DMD: variants seen among roughly 807,000 people sequenced by gnomAD.
DMD encodes the protein dystrophin, also known as mutant dystrophin.
In DMD, 63 loss-of-function variants were observed where a neutral mutation model predicts 330.1. That is an observed-to-expected ratio of 0.19 (90% CI 0.16 to 0.24). The LOEUF is 0.24. Ranked by LOEUF, DMD falls within the 10% of genes least tolerant of loss-of-function variation. DMD has a pLI of 1.00. For synonymous variants in DMD, 1,223 were observed against 959.8 expected (o/e 1.27, Z -5.07); for missense variants, 3,344 against 2,684.1 (o/e 1.25, Z -5.43).
In DMD at chrX:31,385,027, C is replaced by T. The variant is rs753093675; in HGVS notation, c.9085-36393G>A. Among the ~76,000 whole-genome samples, 6 of 112,299 alleles carry T rather than the reference C, an allele frequency of 5.3e-5. No individual in the cohort carries two copies. The East Asian group carries it at 1.7e-3, about 31-fold the overall frequency. On this transcript the variant is annotated intron_variant, in intron 60 of 78. Coordinates refer to ENST00000357033, the MANE Select transcript of DMD (RefSeq NM_004006.3). ...CACAGGTCTCAATGAGAAGAAAAAGCGGCTGATAAAACATTAGGCTTTCCA... is the reference window on the plus strand; with the variant it reads ...CACAGGTCTCAATGAGAAGAAAAAGTGGCTGATAAAACATTAGGCTTTCCA...
intron 55 of DMD, among the ~76,000 whole-genome samples, chrX:31,583,934 G>A (rs1408024358): frequency 1.2e-5 from 1 of 83,976 alleles, no homozygotes; most frequent in Non-Finnish European, 2.2e-5. Context: ...ACAGGCCCTG[G>A]TGTGTGATGT....
chrX:31,959,733 A>G (rs1232530290), intron 45 of DMD, among the ~76,000 whole-genome samples: 1 of 104,344 alleles, frequency 9.6e-6, no homozygotes, highest in Non-Finnish European at 2.0e-5. Flanking sequence ...AATCTTAAAC[A>G]GTTGTCTTAC....
intron 52 of DMD, among the ~76,000 whole-genome samples, chrX:31,724,812 T>C (rs1419741628): frequency 8.9e-6 from 1 of 112,017 alleles, no homozygotes; most frequent in Admixed American, 9.5e-5. Context: ...TAAGTACTAT[T>C]ATTAGCCCCA....
chrX:32,732,905 C>A (rs181014668), intron 7 of DMD, among the ~76,000 whole-genome samples: 6,473 of 110,786 alleles, frequency 0.058, 451 homozygotes, highest in African/African-American at 0.2. Flanking sequence ...CAAATTCACA[C>A]ATAACAATAT....
At chrX:31,676,540 C>G (rs1276267006) in intron 53 of DMD, among the ~76,000 whole-genome samples, 1 of 111,405 alleles carries the variant, frequency 9.0e-6, no homozygotes, top group Non-Finnish European at 1.9e-5. Context: ...TCTTATTTGT[C>G]AATTAATAAT....
chrX:31,603,030 C>T (rs1216640793), intron 55 of DMD, among the ~76,000 whole-genome samples: 1 of 111,416 alleles, frequency 9.0e-6, no homozygotes, highest in East Asian at 2.8e-4. Context: ...ACAAATGTGA[C>T]AAGAGGAGAG....
chrX:31,893,402 A>G (rs898730986), intron 47 of DMD, among the ~76,000 whole-genome samples: 1 of 111,606 alleles, frequency 9.0e-6, no homozygotes, highest in Admixed American at 9.6e-5. Flanking sequence ...AAGGTTGTGC[A>G]TGAAACCAGA....
intron 11 of DMD, among the ~76,000 whole-genome samples, chrX:32,615,381 C>A (rs987599053): frequency 2.2e-4 from 24 of 111,094 alleles, no homozygotes; most frequent in African/African-American, 7.8e-4. Flanking sequence ...AATTACATTT[C>A]CAGCATCAGG....
chrX:33,040,605 G>A (rs1490243217), intron 1 of DMD, among the ~76,000 whole-genome samples: 6 of 110,941 alleles, frequency 5.4e-5, no homozygotes, highest in Non-Finnish European at 1.1e-4. Flanking sequence ...AGACTGTAGT[G>A]TTCTGAAGGT....
intron 76 of DMD, among the ~76,000 whole-genome samples, chrX:31,138,269 A>G (rs918673683): frequency 4.5e-5 from 5 of 111,741 alleles, no homozygotes; most frequent in Admixed American, 9.5e-5. Context: ...ATTGCCAGCA[A>G]AAGTTCAGCC....
intron 7 of DMD, among the ~76,000 whole-genome samples, chrX:32,725,386 AT>A (rs2066756034): frequency 9.0e-6 from 1 of 111,159 alleles, no homozygotes; most frequent in South Asian, 3.7e-4. Flanking sequence ...ATTCTACAAA[AT>A]ACTTGACATC....
At chrX:31,407,146 T>C (rs1402615721) in intron 60 of DMD, among the ~76,000 whole-genome samples, 2 of 112,280 alleles carry the variant, frequency 1.8e-5, no homozygotes, top group Non-Finnish European at 3.8e-5. Flanking sequence ...TGATACTTTA[T>C]CTTATTTTTT....
intron 4 of DMD, among the ~76,000 whole-genome samples, chrX:32,838,272 ATTCTTT>A (rs1254082233): frequency 9.9e-5 from 11 of 110,717 alleles, no homozygotes; most frequent in African/African-American, 3.6e-4. Flanking sequence ...ATTTTTTATT[ATTCTTT>A]AAGTTCTGGG....
At chrX:32,700,083 T>C (rs1218649818) in intron 7 of DMD, among the ~76,000 whole-genome samples, 1 of 111,777 alleles carries the variant, frequency 8.9e-6, no homozygotes, top group Non-Finnish European at 1.9e-5. Context: ...AAAGATTCAT[T>C]TGCTACTTGG....
At chrX:31,895,157 C>T (rs1012217169) in intron 47 of DMD, among the ~76,000 whole-genome samples, 1 of 111,563 alleles carries the variant, frequency 9.0e-6, no homozygotes, top group African/African-American at 3.3e-5. Flanking sequence ...GTCATGGAGT[C>T]TGGAGGGCCT....
At chrX:32,949,379 TAGATAGATAGATAGACAGACAGAC>T (rs1569545113) in intron 2 of DMD, among the ~76,000 whole-genome samples, 1 of 93,041 alleles carries the variant, frequency 1.1e-5, no homozygotes, top group African/African-American at 5.2e-5. Context: ...GATAGATAGA[TAGATAGATAGATAGACAGACAGAC>T]AGACAGACAG....
At chrX:32,066,656 G>A (rs191886407) in intron 44 of DMD, among the ~76,000 whole-genome samples, 130 of 111,288 alleles carry the variant, frequency 1.2e-3, no homozygotes, top group African/African-American at 4.0e-3. Context: ...TTTGTCTTCC[G>A]TTTTTACTTG....
chrX:32,725,856 G>A (rs1335582963), intron 7 of DMD, among the ~76,000 whole-genome samples: 2 of 110,765 alleles, frequency 1.8e-5, no homozygotes, highest in Non-Finnish European at 3.8e-5. Context: ...TAACACAAAG[G>A]ATAAATGCTT....
At chrX:32,082,915 T>TA (rs1289637709) in intron 44 of DMD, among the ~76,000 whole-genome samples, 1 of 111,678 alleles carries the variant, frequency 9.0e-6, no homozygotes, top group Non-Finnish European at 1.9e-5. Flanking sequence ...GAAGAGAAAA[T>TA]AAAGGAGTTC....
Sources: allele counts gnomAD v4.1 joint callset (sites outside exome capture counted in the v4.1 genomes callset), GRCh38; gene constraint gnomAD v4.1.1; transcripts MANE v1.5; gene names NCBI Gene and HGNC (gene_info 2026-07-23, HGNC 2026-07-21).